Variants in RAB38 observed in about 807,000 individuals in gnomAD.
The protein encoded by RAB38 is ras-related protein Rab-38.
In RAB38, 15 loss-of-function variants were observed where a neutral mutation model predicts 18.4. That is an observed-to-expected ratio of 0.82 (90% CI 0.55 to 1.26). The LOEUF is 1.26. Among genes scored for constraint, RAB38 ranks in the 50% most tolerant of loss-of-function variants. The pLI is 0.00. For missense variants in RAB38, 294 were observed against 267.4 expected, an observed-to-expected ratio of 1.10 and a Z score of -0.69; for synonymous variants, 101 against 104.4, an observed-to-expected ratio of 0.97 and a Z score of 0.20.
rs144850133 is a variant in RAB38 at position 88,119,431 on chromosome 11, A to G, written c.484-5291T>C. ...AAATGTACAGCCAATTTTGAGACAC[A>G]CTCATATAATTAAGAATGTCTTTAA... On this transcript the variant is annotated intron_variant, in intron 2 of 2. Coordinates refer to ENST00000243662, the MANE Select transcript of RAB38 (RefSeq NM_022337.3). Among the ~76,000 whole-genome samples the G allele has an allele frequency of 3.6e-3, 554 of 152,294 alleles. 3 individuals are homozygous for G. The highest frequency in any genetic ancestry group is 6.0e-3 in the South Asian group (29 of 4,828).
the RAB38 span, among the ~76,000 whole-genome samples, chr11:88,083,396 A>G: frequency 2.0e-5 from 3 of 151,900 alleles, no homozygotes; most frequent in African/African-American, 7.2e-5. Flanking sequence ...ATGACTCACA[A>G]TGGATGGAGT....
the RAB38 span, among the ~76,000 whole-genome samples, chr11:87,951,566 T>C: frequency 6.6e-6 from 1 of 152,176 alleles, no homozygotes; most frequent in East Asian, 1.9e-4. Context: ...CATGTACAGA[T>C]GGGGTTTTGG....
the RAB38 span, among the ~76,000 whole-genome samples, chr11:88,017,518 G>T: frequency 6.6e-6 from 1 of 151,216 alleles, no homozygotes; most frequent in African/African-American, 2.4e-5. Context: ...TCTGTCTCTA[G>T]TTCTTTTCTT....
At chr11:87,896,045 G>C in the RAB38 span, among the ~76,000 whole-genome samples, 1 of 151,532 alleles carries the variant, frequency 6.6e-6, no homozygotes, top group Non-Finnish European at 1.5e-5. Context: ...TTATTTATTT[G>C]GATAGATATC....
chr11:87,878,222 T>TATATATATACACACACAC, the RAB38 span, among the ~76,000 whole-genome samples: 2 of 116,154 alleles, frequency 1.7e-5, no homozygotes, highest in African/African-American at 9.0e-5. Flanking sequence ...TATATATATA[T>TATATATATACACACACAC]ACACACATAT....
chr11:88,099,321 C>A, the RAB38 span, among the ~76,000 whole-genome samples: 1 of 150,864 alleles, frequency 6.6e-6, no homozygotes, highest in African/African-American at 2.4e-5. Context: ...GACTTTTATG[C>A]CCTAGAGCTC....
chr11:87,878,637 G>A, the RAB38 span, among the ~76,000 whole-genome samples: 6 of 151,620 alleles, frequency 4.0e-5, no homozygotes, highest in African/African-American at 9.7e-5. Flanking sequence ...CAGTGAGGCT[G>A]TGCTAAAAAT....
chr11:87,926,312 T>C, the RAB38 span, among the ~76,000 whole-genome samples: 1 of 152,042 alleles, frequency 6.6e-6, no homozygotes, highest in East Asian at 1.9e-4. Flanking sequence ...TTCCCTAAAA[T>C]TAAAAAAATA....
chr11:87,818,364 T>C, the RAB38 span, among the ~76,000 whole-genome samples: 1 of 152,174 alleles, frequency 6.6e-6, no homozygotes, highest in South Asian at 2.1e-4. Context: ...TTGGCACTTA[T>C]TCCTGGTCCT....
the RAB38 span, among the ~76,000 whole-genome samples, chr11:87,841,973 C>T: frequency 6.6e-6 from 1 of 151,970 alleles, no homozygotes; most frequent in Non-Finnish European, 1.5e-5. Flanking sequence ...CTTTTATTTT[C>T]CTCTTCTTCT....
the RAB38 span, among the ~76,000 whole-genome samples, chr11:87,977,379 TAA>T: frequency 4.7e-3 from 216 of 45,670 alleles, 3 homozygotes; most frequent in East Asian, 9.2e-3. Flanking sequence ...AATTATATTA[TAA>T]AATATAATTA....
the RAB38 span, among the ~76,000 whole-genome samples, chr11:87,960,933 A>G: frequency 6.6e-6 from 1 of 152,188 alleles, no homozygotes; most frequent in South Asian, 2.1e-4. Flanking sequence ...TAAATAGGAG[A>G]AATTACTCAT....
At chr11:88,010,371 G>C in the RAB38 span, among the ~76,000 whole-genome samples, 1 of 152,222 alleles carries the variant, frequency 6.6e-6, no homozygotes, top group Admixed American at 6.5e-5. Flanking sequence ...CAAGAGGAAA[G>C]AGAAGTTCAA....
the RAB38 span, among the ~76,000 whole-genome samples, chr11:88,076,976 GAAAGAAAGAAAGA>G: frequency 3.4e-5 from 2 of 58,098 alleles, no homozygotes; most frequent in Admixed American, 3.7e-4. Context: ...AAAAAAAAAA[GAAAGAAAGAAAGA>G]AAAGAAAAGA....
chr11:88,052,407 C>T, the RAB38 span, among the ~76,000 whole-genome samples: 1 of 152,028 alleles, frequency 6.6e-6, no homozygotes, highest in Non-Finnish European at 1.5e-5. Flanking sequence ...GAAAACCTTC[C>T]AAATATTTTG....
chr11:88,092,349 A>AGAGGGAGG, the RAB38 span, among the ~76,000 whole-genome samples: 2 of 75,184 alleles, frequency 2.7e-5, 1 homozygote, highest in Non-Finnish European at 5.4e-5. Flanking sequence ...AGAGAGAGGG[A>AGAGGGAGG]GGGAGAGAGA....
At chr11:87,913,306 T>C in the RAB38 span, among the ~76,000 whole-genome samples, 2 of 152,138 alleles carry the variant, frequency 1.3e-5, no homozygotes, top group Admixed American at 6.5e-5. Flanking sequence ...AATGTTAAAA[T>C]CTTTCATTTT....
chr11:87,818,424 T>C, the RAB38 span, among the ~76,000 whole-genome samples: 1 of 152,150 alleles, frequency 6.6e-6, no homozygotes, highest in South Asian at 2.1e-4. Context: ...GTAAGTATTT[T>C]TATTACCTCC....
At chr11:87,834,400 C>G in the RAB38 span, among the ~76,000 whole-genome samples, 1 of 152,170 alleles carries the variant, frequency 6.6e-6, no homozygotes, top group Non-Finnish European at 1.5e-5. Flanking sequence ...GACTTCTGAC[C>G]TTCAAAACTG....
Sources: allele counts gnomAD v4.1 joint callset (sites outside exome capture counted in the v4.1 genomes callset), GRCh38; gene constraint gnomAD v4.1.1; transcripts MANE v1.5; gene names NCBI Gene and HGNC (gene_info 2026-07-23, HGNC 2026-07-21).